The following MEP1A variants were observed in gnomAD, a reference collection of about 807,000 sequenced individuals.
MEP1A encodes N-benzoyl-L-tyrosyl-P-amino-benzoic acid hydrolase subunit alpha.
MEP1A carries 68 observed loss-of-function variants against 84.5 expected under a neutral mutation model. The observed-to-expected ratio is 0.80, with a 90% CI of 0.66 to 0.98. The LOEUF (loss-of-function observed/expected upper bound fraction) is 0.98, where lower values mean the gene tolerates loss of function less well. MEP1A is among the 50% of genes least tolerant of loss of function. The probability of loss-of-function intolerance (pLI) is 0.00; values close to 1 mark genes in which losing one functional copy is unlikely to be tolerated. For synonymous variants in MEP1A, 337 were observed against 336.8 expected, an observed-to-expected ratio of 1.00 and a Z score of -0.01; for missense variants, 887 against 919.9, an observed-to-expected ratio of 0.96 and a Z score of 0.46.
chr6:46,812,606 T>C (rs1767532481), intron 6 of MEP1A, among the ~76,000 whole-genome samples: 1 of 152,086 alleles, frequency 6.6e-6, no homozygotes, highest in Admixed American at 6.6e-5. Flanking sequence ...CATTTAATTC[T>C]ATGAACTTTC....
At chr6:46,825,983 G>T (rs1767934528) in intron 8 of MEP1A, among the ~76,000 whole-genome samples, 2 of 152,110 alleles carry the variant, frequency 1.3e-5, no homozygotes, top group African/African-American at 4.8e-5. Flanking sequence ...TTCTAAAGAT[G>T]ATCCCCCTAG....
chr6:46,826,521 G>A lies in MEP1A; in HGVS notation c.928+18G>A. 1.3e-6 allele frequency: 2 copies of A among 1,488,988 alleles called. No individual in the cohort carries two copies. The highest frequency in any genetic ancestry group is 1.5e-5 in the South Asian group (1 of 67,956). 92.2% of individuals were successfully genotyped at this position (1,488,988 alleles called of 1,614,324 possible). ...ATGCACAGGTCAGTGAAAGTGGAAA[G>A]CAAACACATTGATGTGGTTCACCAG... is the stretch of plus-strand genomic sequence containing the variant. On this transcript the variant is annotated intron_variant, in intron 9 of 13. Transcript: ENST00000230588.
At chr6:46,830,247 TAAAAAAAAAAAAAAAAAAAAA>T (rs56033423) in intron 10 of MEP1A, among the ~76,000 whole-genome samples, 80 of 50,106 alleles carry the variant, frequency 1.6e-3, no homozygotes, top group African/African-American at 5.1e-3. Flanking sequence ...AGACTCCATC[TAAAAAAAAAAAAAAAAAAAAA>T]AAAAAAAAAA....
At chr6:46,800,958 T>G (rs375821425) in intron 5 of MEP1A, among the ~76,000 whole-genome samples, 1 of 152,200 alleles carries the variant, frequency 6.6e-6, no homozygotes, top group African/African-American at 2.4e-5. Context: ...TTATGTTTTT[T>G]AAGTTCTTCC....
At chr6:46,818,018 C>A (rs2150749004) in intron 6 of MEP1A, among the ~76,000 whole-genome samples, 1 of 152,214 alleles carries the variant, frequency 6.6e-6, no homozygotes, top group South Asian at 2.1e-4. Context: ...GGTATTTTTG[C>A]AACTTATGTC....
rs760066759 is a variant in MEP1A at position 46,799,096 on chromosome 6, G to A, written c.187-10G>A. The A allele has an allele frequency of 2.5e-6, 4 of 1,604,988 alleles. No homozygotes were observed. Among genetic ancestry groups the A allele is most frequent in the Non-Finnish European group, 3.4e-6 (4 of 1,171,880 alleles). On this transcript the variant is annotated splice_polypyrimidine_tract_variant and intron_variant, in intron 4 of 13. Transcript: ENST00000230588. ...AGGCTTCCCACTCACCTTTACCTTT[G>A]TTTTCACAGAAATCCAGAAATGGCC... is the stretch of plus-strand genomic sequence containing the variant.
In MEP1A at chr6:46,826,350, G is replaced by T. The variant is rs761641082; in HGVS notation, c.779-4G>T. ...TAACCAGATGATAAAAATATAATTT[G>T]CAGCCACAACTCACACTCTTTTGGA... is the stretch of plus-strand genomic sequence containing the variant. On this transcript the variant is annotated splice_polypyrimidine_tract_variant and splice_region_variant and intron_variant, in intron 8 of 13. Coordinates refer to ENST00000230588, the MANE Select transcript of MEP1A (RefSeq NM_005588.3). The T allele has an allele frequency of 1.3e-6, 2 of 1,576,586 alleles. No homozygotes were observed. The highest frequency in any genetic ancestry group is 3.7e-5 in the Admixed American group (2 of 53,834).
At chr6:46,828,506 C>A (rs1292829712) in intron 9 of MEP1A, among the ~76,000 whole-genome samples, 1 of 152,146 alleles carries the variant, frequency 6.6e-6, no homozygotes, top group Admixed American at 6.5e-5. Flanking sequence ...ACTGTACACT[C>A]ACTTTATTTT....
chr6:46,835,654 C>T, intron 13 of MEP1A, 105 bp downstream of exon 13: 1 of 1,196,756 alleles, frequency 8.4e-7, no homozygotes, highest in Non-Finnish European at 1.2e-6. Context: ...AAGACTACCT[C>T]AGATGGTCAA....
At chr6:46,837,462 A>G (rs1048568083) in intron 13 of MEP1A, among the ~76,000 whole-genome samples, 13 of 152,206 alleles carry the variant, frequency 8.5e-5, no homozygotes, top group African/African-American at 3.1e-4. Flanking sequence ...CCCCACCCAT[A>G]GAATCAATCA....
intron 6 of MEP1A, 150 bp from the exon 7 acceptor site, chr6:46,819,379 A>G: frequency 6.3e-6 from 4 of 637,826 alleles, no homozygotes; most frequent in Non-Finnish European, 1.1e-5. Context: ...AGCAGTCCCC[A>G]TCTTTGGACC....
chr6:46,835,097 C>G, intron 12 of MEP1A, 152 bp from the exon 13 acceptor site: 1 of 690,256 alleles, frequency 1.4e-6, no homozygotes, highest in Non-Finnish European at 2.4e-6. Flanking sequence ...GTAGCTAATA[C>G]TGTGGGAATC....
intron 5 of MEP1A, among the ~76,000 whole-genome samples, chr6:46,806,812 G>C (rs1032316177): frequency 2.6e-5 from 4 of 151,982 alleles, no homozygotes; most frequent in African/African-American, 9.7e-5. Flanking sequence ...TTAAGAAAAT[G>C]CAACTGTAGA....
At position 46,829,389 on chromosome 6, in the gene MEP1A, C is replaced by A. The variant is rs1455882551; in HGVS notation, c.962C>A (p.Ser321Ter). 2 of 1,613,888 alleles carry A rather than the reference C, an allele frequency of 1.2e-6. No homozygotes were observed. The highest frequency in any genetic ancestry group is 1.7e-6 in the Non-Finnish European group (2 of 1,180,028). The change falls in exon 10 of 14, where the codon TCG becomes TAG. Residue 321 changes from serine (S) to a stop codon, truncating the protein, a stop_gained. Transcript: ENST00000230588. LOFTEE classifies it high-confidence loss of function. ...TACTTCATGCAGTTCAGCACCAGCT[C>A]GGGGTCCGCGGAAGAGGCAGCCCTA... ...AGYFMQFSTSSGSAEEAALLE... is the reference protein window; with the variant it reads ...AGYFMQFSTS
chr6:46,807,600 GGAAGGAAGGAAGGAAGGAAGGAAAGA>G (rs1767371065), intron 5 of MEP1A, among the ~76,000 whole-genome samples: 1 of 94,494 alleles, frequency 1.1e-5, no homozygotes, highest in Non-Finnish European at 2.0e-5. Flanking sequence ...AAGGAAGGAA[GGAAGGAAGGAAGGAAGGAAGGAAAGA>G]AGGAAGGAAA....
chr6:46,823,984 A>AG (rs1767841394), intron 7 of MEP1A, among the ~76,000 whole-genome samples: 1 of 152,122 alleles, frequency 6.6e-6, no homozygotes, highest in Non-Finnish European at 1.5e-5. Flanking sequence ...CTGAAACAGA[A>AG]GGATGTGAGC....
At chr6:46,826,315 C>A (rs758993840) in intron 8 of MEP1A, 39 bp from the exon 9 acceptor site, 4 of 1,551,546 alleles carry the variant, frequency 2.6e-6, no homozygotes, top group Non-Finnish European at 3.5e-6. Context: ...GAATGACTAT[C>A]TTTCATTTTT....
intron 5 of MEP1A, among the ~76,000 whole-genome samples, chr6:46,802,043 C>T (rs1216549539): frequency 1.3e-5 from 2 of 151,918 alleles, no homozygotes; most frequent in African/African-American, 2.4e-5. Flanking sequence ...GCTTTGCTCT[C>T]CAATTTCAAG....
At chr6:46,796,332 T>A (rs1002556130) in intron 3 of MEP1A, among the ~76,000 whole-genome samples, 3 of 152,120 alleles carry the variant, frequency 2.0e-5, no homozygotes, top group Admixed American at 6.5e-5. Flanking sequence ...CTACCTCCCC[T>A]ACTCTTCCTT....
Sources: gnomAD v4.1 joint callset for allele counts (sites outside exome capture counted in the v4.1 genomes callset) on GRCh38, gnomAD v4.1.1 for gene constraint, MANE v1.5 for transcripts, NCBI Gene and HGNC (gene_info 2026-07-23, HGNC 2026-07-21) for gene names.